MRAP2: variants seen among roughly 807,000 people sequenced by gnomAD.
MRAP2 encodes the protein melanocortin 2 receptor accessory protein 2, also known as melanocortin-2 receptor accessory protein 2.
MRAP2 carries 20 observed loss-of-function variants against 17.4 expected under a neutral mutation model. The ratio of observed to expected loss-of-function variants is 1.15; its 90% confidence interval spans 0.81 to 1.67. The LOEUF is 1.67. MRAP2 is among the 40% of genes most tolerant of loss of function. The pLI, the probability that MRAP2 is intolerant of heterozygous loss-of-function variation, is 0.00. For synonymous variants in MRAP2, 96 were observed against 88.4 expected (o/e 1.09, Z -0.48); for missense variants, 238 against 240.0 (o/e 0.99, Z 0.05).
At chr6:84,055,563 C>A in intron 2 of MRAP2, 118 bp downstream of exon 2, 1 of 1,015,070 alleles carries the variant, frequency 9.9e-7, no homozygotes, top group Non-Finnish European at 1.4e-6. Flanking sequence ...CTGTCCTCTA[C>A]CTCCCAAATT....
intron 3 of MRAP2, among the ~76,000 whole-genome samples, chr6:84,079,899 A>G (rs192886740): frequency 7.2e-5 from 11 of 152,244 alleles, no homozygotes; most frequent in Non-Finnish European, 1.3e-4. Flanking sequence ...TTTTGTTGTA[A>G]GACTGAGATG....
At chr6:84,125,135 G>A in the MRAP2 span, 1 of 1,613,540 alleles carries the variant, frequency 6.2e-7, no homozygotes, top group East Asian at 2.2e-5. Context: ...TGCCGGTGCA[G>A]CTCTCGGAGA....
the MRAP2 span, among the ~76,000 whole-genome samples, chr6:84,128,799 C>T: frequency 2.0e-5 from 3 of 151,980 alleles, no homozygotes; most frequent in Non-Finnish European, 2.9e-5. Context: ...CCCATCAACC[C>T]GTCATCTACA....
chr6:84,037,136 T>G (rs558924400), intron 1 of MRAP2, among the ~76,000 whole-genome samples: 3 of 152,062 alleles, frequency 2.0e-5, no homozygotes, highest in African/African-American at 7.3e-5. Flanking sequence ...AGAGCACTGA[T>G]TGTTGCGTTT....
rs1026597612 is a variant in MRAP2 at position 84,089,515 on chromosome 6, G to A, written c.*34G>A. The A allele has an allele frequency of 6.3e-7, 1 of 1,576,974 alleles. No individual in the cohort carries two copies. Among genetic ancestry groups the A allele is most frequent in the South Asian group, 1.2e-5 (1 of 84,906 alleles). ...CTCTGTAAAGGGTCTTCCTGAAGAT[G>A]TGGATTCTATCTTTATGTAGCAAGA... is the stretch of plus-strand genomic sequence containing the variant. On this transcript the variant is annotated 3_prime_UTR_variant, in exon 4 of 4. Coordinates refer to ENST00000257776, the MANE Select transcript of MRAP2 (RefSeq NM_138409.4).
the MRAP2 span, among the ~76,000 whole-genome samples, chr6:84,105,879 C>T: frequency 1.3e-5 from 2 of 152,088 alleles, no homozygotes; most frequent in Non-Finnish European, 2.9e-5. Context: ...GTCAACAGAG[C>T]ATAAAGTCAC....
At chr6:84,138,454 T>C in the MRAP2 span, among the ~76,000 whole-genome samples, 2 of 152,276 alleles carry the variant, frequency 1.3e-5, no homozygotes, top group Middle Eastern at 3.4e-3. Flanking sequence ...TGCCTCATAA[T>C]ACACAGGACG....
chr6:84,144,087 T>C, the MRAP2 span, among the ~76,000 whole-genome samples: 29 of 152,108 alleles, frequency 1.9e-4, no homozygotes, highest in African/African-American at 7.0e-4. Context: ...CTTCCTCAAA[T>C]CAAATTATAA....
the MRAP2 span, among the ~76,000 whole-genome samples, chr6:84,127,019 C>T: frequency 0.044 from 6,666 of 152,080 alleles, 471 homozygotes; most frequent in African/African-American, 0.15. Context: ...TAAATGTATA[C>T]ATATAAAGTA....
At chr6:84,065,645 G>C (rs1284983929) in intron 3 of MRAP2, among the ~76,000 whole-genome samples, 1 of 152,178 alleles carries the variant, frequency 6.6e-6, no homozygotes, top group African/African-American at 2.4e-5. Flanking sequence ...GTGTGATGTA[G>C]AAGACAGGAG....
chr6:84,044,539 G>C (rs367763418), intron 1 of MRAP2, among the ~76,000 whole-genome samples: 1 of 152,214 alleles, frequency 6.6e-6, no homozygotes, highest in Admixed American at 6.5e-5. Flanking sequence ...CATAAGGGAA[G>C]CTCTGCTCCA....
intron 1 of MRAP2, among the ~76,000 whole-genome samples, chr6:84,048,071 T>G (rs1321968830): frequency 1.3e-5 from 2 of 152,246 alleles, no homozygotes; most frequent in African/African-American, 2.4e-5. Context: ...AATACTGTTA[T>G]GAACATAGGT....
chr6:84,076,224 ATTT>A (rs1253662556), intron 3 of MRAP2, among the ~76,000 whole-genome samples: 4 of 136,702 alleles, frequency 2.9e-5, no homozygotes, highest in African/African-American at 5.5e-5. Context: ...CACCCAGCTA[ATTT>A]TTTTTTTTTT....
the MRAP2 span, among the ~76,000 whole-genome samples, chr6:84,105,701 G>C: frequency 1.3e-5 from 2 of 152,110 alleles, no homozygotes; most frequent in Non-Finnish European, 2.9e-5. Context: ...CCCCTTGGCA[G>C]CCTGGATTAG....
the MRAP2 span, among the ~76,000 whole-genome samples, chr6:84,133,305 G>A: frequency 6.6e-6 from 1 of 152,236 alleles, no homozygotes; most frequent in East Asian, 1.9e-4. Context: ...CTACTCAAGT[G>A]TCAGGGACCC....
the MRAP2 span, among the ~76,000 whole-genome samples, chr6:84,112,914 G>A: frequency 6.6e-6 from 1 of 152,042 alleles, no homozygotes; most frequent in Non-Finnish European, 1.5e-5. Context: ...GCAGTTTTGA[G>A]TGAGTTTTTA....
the MRAP2 span, among the ~76,000 whole-genome samples, chr6:84,139,991 G>T: frequency 3.3e-5 from 5 of 152,164 alleles, no homozygotes; most frequent in African/African-American, 1.2e-4. Flanking sequence ...TTTGCTGTGG[G>T]TCCCCAGTAA....
chr6:84,068,784 CTTTT>C (rs34220070), intron 3 of MRAP2, among the ~76,000 whole-genome samples: 3 of 55,196 alleles, frequency 5.4e-5, no homozygotes, highest in East Asian at 6.0e-4. Context: ...TTGCTGAATT[CTTTT>C]TTTTTTTTTT....
the MRAP2 span, among the ~76,000 whole-genome samples, chr6:84,097,731 T>C: frequency 6.6e-6 from 1 of 152,242 alleles, no homozygotes; most frequent in Non-Finnish European, 1.5e-5. Context: ...TAATGTTTCT[T>C]ATTCTTATAT....
Sources: allele counts gnomAD v4.1 joint callset (sites outside exome capture counted in the v4.1 genomes callset), GRCh38; gene constraint gnomAD v4.1.1; transcripts MANE v1.5; gene names NCBI Gene and HGNC (gene_info 2026-07-23, HGNC 2026-07-21).